The following CIC variants were observed in gnomAD, a reference collection of about 807,000 sequenced individuals.
CIC encodes the protein capicua transcriptional repressor.
In CIC, 18 loss-of-function variants were observed where a neutral mutation model predicts 115.7. The ratio of observed to expected loss-of-function variants is 0.16; its 90% CI spans 0.11 to 0.23. The LOEUF is 0.23. Ranked by LOEUF, CIC falls within the 10% of genes least tolerant of loss-of-function variation. The pLI is 1.00. For synonymous variants in CIC, 1,076 were observed against 923.0 expected (o/e 1.17, Z -3.01); for missense variants, 2,000 against 2,159.3 (o/e 0.93, Z 1.46).
In CIC at chr19:42,289,284, C is replaced by G. The variant is rs769431731; in HGVS notation, c.3965C>G (p.Thr1322Ser). The G allele has an allele frequency of 1.2e-6, 2 of 1,613,758 alleles. No homozygotes were observed. The highest frequency in any genetic ancestry group is 1.3e-5 in the African/African-American group (1 of 74,936). ...GGTGAGGGAGGTGCCTTGGCGGCCA[C>G]TGGGCGGCCCCCGCTGCTGCCCACC... ...APGEGGALAA[T>S]GRPPLLPTRA... The change falls in exon 9 of 21, where the codon ACT (threonine) becomes AGT (serine). Residue 1322 changes from threonine (T) to serine (S), a missense_variant. Physicochemically the swap from Thr to Ser is moderately conservative, Grantham distance 58. Coordinates refer to ENST00000681038, the MANE Select transcript of CIC (RefSeq NM_001386298.1).
intron 10 of CIC, 33 bp from the exon 11 acceptor site, chr19:42,290,200 C>T (rs1356856870): frequency 6.2e-6 from 10 of 1,613,880 alleles, no homozygotes; most frequent in Non-Finnish European, 7.6e-6. Flanking sequence ...TCGGAGTGTC[C>T]TGACCTGGGG....
chr19:42,291,316 G>A lies in CIC; in HGVS notation c.5275G>A (p.Ala1759Thr). ...PAPAPAPGTKAAAPSGPAPTT... is the reference protein window; with the variant it reads ...PAPAPAPGTKTAAPSGPAPTT... ...CCCAGCACCAGCCCCTGGGACCAAGGCAGCGGCTCCCAGCGGCCCTGCACC... is the reference window on the plus strand; with the variant it reads ...CCCAGCACCAGCCCCTGGGACCAAGACAGCGGCTCCCAGCGGCCCTGCACC... Residue 1759 changes from alanine (A) to threonine (T), a missense_variant, in exon 11 of 21, where the codon GCA becomes ACA. Physicochemically the swap from Ala to Thr is moderately conservative, Grantham distance 58. Transcript: ENST00000681038. 6.2e-7 allele frequency: 1 copy of A among 1,612,820 alleles called. No individual in the cohort carries two copies. Among genetic ancestry groups the A allele is most frequent in the Non-Finnish European group, 8.5e-7 (1 of 1,179,902 alleles).
intron 2 of CIC, chr19:42,284,639 G>A: frequency 7.8e-7 from 1 of 1,289,360 alleles, no homozygotes; most frequent in Non-Finnish European, 1.1e-6. Flanking sequence ...GGAGCGGGCT[G>A]CGGGCGGAGC....
rs908184191 is a variant in CIC at position 42,273,616 on chromosome 19, A to G, written c.1833A>G (p.Ser611=). 1.3e-5 allele frequency: 5 copies of G among 398,440 alleles called. No individual in the cohort carries two copies. The highest frequency in any genetic ancestry group is 4.4e-5 in the Admixed American group (1 of 22,718). The allele number at this position is 398,440 out of a possible 1,614,324, so 24.7% of individuals were successfully genotyped here. A position where few individuals can be genotyped will look rare whatever the true frequency, so the allele number is the denominator to read the frequency against. Residue 611 remains serine, a synonymous_variant, in exon 2 of 21, where the codon TCA becomes TCG. Transcript: ENST00000681038. ...VMLVSLGSSR[S]GTPSFSPVST... ...TGGTGTCGCTGGGCAGCTCGCGCTC[A>G]GGCACGCCCTCCTTCTCACCCGTCT...
Position 42,289,907 on chromosome 19 carries a change from A to C in CIC, c.4147A>C (p.Ser1383Arg). ...DLKCKERVTDSESGDSSGEDP... is the reference protein window; with the variant it reads ...DLKCKERVTDRESGDSSGEDP... ...CAAGTGCAAGGAGCGGGTGACCGAC[A>C]GCGAGAGTGGGGACAGCTCTGGGGA... The change falls in exon 10 of 21, where the codon AGC becomes CGC. Residue 1383 changes from serine to arginine, a missense_variant. Around this residue, in one of 8 missense-constraint regions of CIC, gnomAD observed 1,466 missense variants for 1,390.4 expected, o/e 1.05. Coordinates refer to ENST00000681038, the MANE Select transcript of CIC (RefSeq NM_001386298.1). 4 of 1,610,584 alleles carry C rather than the reference A, an allele frequency of 2.5e-6. No individual in the cohort carries two copies. The highest frequency in any genetic ancestry group is 3.4e-6 in the Non-Finnish European group (4 of 1,178,640).
chr19:42,274,691 G>T, intron 2 of CIC, 114 bp downstream of exon 2: 1 of 397,904 alleles, frequency 2.5e-6, no homozygotes. Context: ...GGGGAGGCCG[G>T]CCTCCTCTCT....
At chr19:42,291,881 G>A in intron 12 of CIC, 136 bp downstream of exon 12, 1 of 1,302,944 alleles carries the variant, frequency 7.7e-7, no homozygotes, top group Non-Finnish European at 1.1e-6. Context: ...ATGTCTCTGT[G>A]CATCCTGACT....
chr19:42,290,863 G>C lies in CIC; in HGVS notation c.4822G>C (p.Ala1608Pro), dbSNP rs746895932. 1 of 1,612,380 alleles carries C rather than the reference G, an allele frequency of 6.2e-7. No homozygotes were observed. Among genetic ancestry groups the C allele is most frequent in the Non-Finnish European group, 8.5e-7 (1 of 1,179,546 alleles). The stretch of plus-strand genomic sequence containing the variant: ...CTTCCCCACCTCTGGCCGGGCTGAG[G>C]CGTCTCCAAATGACACAGCAGGTGC... ...KPFPTSGRAEASPNDTAGART... is the reference protein window; with the variant it reads ...KPFPTSGRAEPSPNDTAGART... The change falls in exon 11 of 21, where the codon GCG (alanine) becomes CCG (proline). Residue 1608 changes from alanine (A) to proline (P), a missense_variant. This residue lies in a region of CIC where 1,466 missense variants were observed against 1,390.4 expected (regional missense o/e 1.05). Coordinates refer to ENST00000681038, the MANE Select transcript of CIC (RefSeq NM_001386298.1).
At chr19:42,291,805 T>A (rs1358781505) in intron 12 of CIC, 60 bp downstream of exon 12, 2 of 1,597,006 alleles carry the variant, frequency 1.3e-6, no homozygotes, top group Non-Finnish European at 1.7e-6. Context: ...CATCATTTCT[T>A]TGTCTTTTTT....
chr19:42,271,281 C>T (rs2036781525), intron 1 of CIC, among the ~76,000 whole-genome samples: 1 of 152,220 alleles, frequency 6.6e-6, no homozygotes, highest in Non-Finnish European at 1.5e-5. Context: ...AGCCTGGGTT[C>T]AGACCCTAGC....
At position 42,295,663 on chromosome 19, in the gene CIC, T is replaced by G; in HGVS notation, c.*472T>G. ...TCCTCACCCCCTCTGCCCTCCCAACTTGGGTTGTACTTTCTAAGAAGGTGA... is the reference window on the plus strand; with the variant it reads ...TCCTCACCCCCTCTGCCCTCCCAACGTGGGTTGTACTTTCTAAGAAGGTGA... On this transcript the variant is annotated 3_prime_UTR_variant, in exon 21 of 21. Coordinates refer to ENST00000681038, the MANE Select transcript of CIC (RefSeq NM_001386298.1). 1 of 234,814 alleles carries G rather than the reference T, an allele frequency of 4.3e-6. No homozygotes were observed. The highest frequency in any genetic ancestry group is 8.4e-6 in the Non-Finnish European group (1 of 119,184). 14.5% of individuals were successfully genotyped at this position (234,814 alleles called of 1,614,324 possible).
At chr19:42,274,960 T>C (rs530783848) in intron 2 of CIC, among the ~76,000 whole-genome samples, 1 of 152,298 alleles carries the variant, frequency 6.6e-6, no homozygotes, top group South Asian at 2.1e-4. Context: ...GTAGGTGAGC[T>C]TGCCAAATTT....
Position 42,289,503 on chromosome 19 carries a change from T to C in CIC, c.4087+97T>C, listed in dbSNP as rs1164829049. 1.9e-5 allele frequency: 26 copies of C among 1,345,264 alleles called. 1 individual carries two copies. The East Asian group carries it at 6.0e-4, about 31-fold the overall frequency. 83.3% of individuals were successfully genotyped at this position (1,345,264 alleles called of 1,614,324 possible). On this transcript the variant is annotated intron_variant, in intron 9 of 20. Coordinates refer to ENST00000681038, the MANE Select transcript of CIC (RefSeq NM_001386298.1). ...GATCCAGGCCCCTAGGCCCCTTTGT[T>C]TTCTTTTCCACTTGGTTTATGGTTG...
At chr19:42,281,223 G>A (rs2037231828) in intron 2 of CIC, among the ~76,000 whole-genome samples, 1 of 152,190 alleles carries the variant, frequency 6.6e-6, no homozygotes, top group African/African-American at 2.4e-5. Flanking sequence ...CGGGCCTGGA[G>A]AGCAGGGTGG....
rs2036752174 is a variant in CIC at position 42,270,742 on chromosome 19, G to A, written c.-10-1032G>A. On this transcript the variant is annotated intron_variant, in intron 1 of 20. Coordinates refer to ENST00000681038, the MANE Select transcript of CIC (RefSeq NM_001386298.1). This position sits in a 1 kb window ranked among gnomAD's most constrained non-coding sequence, Gnocchi z 4.1. ...GCTGGGCTTGCGGGTATCACGCTGG[G>A]TGCTGTGGGGGGAGGAGCAGGCTCC... is the stretch of plus-strand genomic sequence containing the variant. Among the ~76,000 whole-genome samples, 1 of 152,010 alleles carries A rather than the reference G, an allele frequency of 6.6e-6. No individual in the cohort carries two copies. Among genetic ancestry groups the A allele is most frequent in the African/African-American group, 2.4e-5 (1 of 41,390 alleles).
In CIC at chr19:42,295,126, T is replaced by C. The variant is rs1599942755; in HGVS notation, c.7489T>C (p.Trp2497Arg). Residue 2497 changes from tryptophan to arginine, a missense_variant, in exon 21 of 21, where the codon TGG (tryptophan) becomes CGG (arginine). Coordinates refer to ENST00000681038, the MANE Select transcript of CIC (RefSeq NM_001386298.1). ...PPESGPGQPG[W>R]EGAPQPSPPP... is the part of the protein sequence containing the mutation. The stretch of plus-strand genomic sequence containing the variant: ...AGAGTCGGGGCCTGGACAGCCTGGC[T>C]GGGAGGGGGCTCCCCAGCCCTCCCC... The C allele has an allele frequency of 6.6e-7, 1 of 1,512,402 alleles. No homozygotes were observed. The highest frequency in any genetic ancestry group is 8.8e-7 in the Non-Finnish European group (1 of 1,136,544). The allele number at this position is 1,512,402 out of a possible 1,614,324, so 93.7% of individuals were successfully genotyped here. A position where few individuals can be genotyped will look rare whatever the true frequency, so the allele number is the denominator to read the frequency against.
Position 42,295,256 on chromosome 19 carries a change from A to T in CIC, c.*65A>T. 7.1e-7 allele frequency: 1 copy of T among 1,411,068 alleles called. No homozygotes were observed. Among genetic ancestry groups the T allele is most frequent in the Non-Finnish European group, 9.6e-7 (1 of 1,039,836 alleles). The allele number at this position is 1,411,068 out of a possible 1,614,324, so 87.4% of individuals were successfully genotyped here. A position where few individuals can be genotyped will look rare whatever the true frequency, so the allele number is the denominator to read the frequency against. On this transcript the variant is annotated 3_prime_UTR_variant, in exon 21 of 21. Coordinates refer to ENST00000681038, the MANE Select transcript of CIC (RefSeq NM_001386298.1). The stretch of plus-strand genomic sequence containing the variant: ...CAGGACATGGACAGTATGTGGGGGC[A>T]GGAAGGTTATCTCCTCCCGGGTAAA...
Position 42,295,182 on chromosome 19 carries a change from A to G in CIC, c.7545A>G (p.Thr2515=). The G allele has an allele frequency of 8.5e-7, 1 of 1,174,626 alleles. No individual in the cohort carries two copies. The highest frequency in any genetic ancestry group is 1.1e-6 in the Non-Finnish European group (1 of 887,964). The allele number at this position is 1,174,626 out of a possible 1,614,324, so 72.8% of individuals were successfully genotyped here. A position where few individuals can be genotyped will look rare whatever the true frequency, so the allele number is the denominator to read the frequency against. ...PPPPGPSTAA[T]GR ...CCCCAGGTCCCTCCACAGCTGCCACAGGCAGGTGAGGGACCCCTGAGAAGA... is the reference window on the plus strand; with the variant it reads ...CCCCAGGTCCCTCCACAGCTGCCACGGGCAGGTGAGGGACCCCTGAGAAGA... The change falls in exon 21 of 21, where the codon ACA becomes ACG. Residue 2515 remains threonine, a synonymous_variant. Coordinates refer to ENST00000681038, the MANE Select transcript of CIC (RefSeq NM_001386298.1).
chr19:42,279,049 G>C (rs1050750648), intron 2 of CIC, among the ~76,000 whole-genome samples: 3 of 152,222 alleles, frequency 2.0e-5, no homozygotes, highest in Non-Finnish European at 4.4e-5. Context: ...CCTTTCATTT[G>C]ATGCCAGCTT....
Sources: gnomAD v4.1 joint callset for allele counts (sites outside exome capture counted in the v4.1 genomes callset) on GRCh38, gnomAD v4.1.1 for gene constraint, gnomAD v4.1.1 regional missense constraint, Gnocchi (gnomAD v3.1) non-coding constraint, MANE v1.5 for transcripts, NCBI Gene and HGNC (gene_info 2026-07-23, HGNC 2026-07-21) for gene names.